Variants in FOXK1 observed in about 807,000 individuals in gnomAD.
The protein encoded by FOXK1 is forkhead box protein K1.
A neutral mutation model predicts 51.9 loss-of-function variants in FOXK1; 19 were observed. That is an observed-to-expected ratio of 0.37 (90% CI 0.26 to 0.54). The LOEUF is 0.54. Ranked by LOEUF, FOXK1 falls within the 20% of genes least tolerant of loss-of-function variation. The pLI, the probability that FOXK1 is intolerant of heterozygous loss-of-function variation, is 0.87. For missense variants in FOXK1, 870 were observed against 1,032.7 expected, an observed-to-expected ratio of 0.84 and a Z score of 2.16; for synonymous variants, 537 against 482.6, an observed-to-expected ratio of 1.11 and a Z score of -1.48.
chr7:4,754,331 C>A, intron 2 of FOXK1, 128 bp from the exon 3 acceptor site: 1 of 1,051,794 alleles, frequency 9.5e-7, no homozygotes, highest in Non-Finnish European at 1.4e-6. Flanking sequence ...AGTGTGGTGG[C>A]ACTTAAAATT....
chr7:4,737,491 T>G (rs1012141700), intron 1 of FOXK1, among the ~76,000 whole-genome samples: 6 of 151,654 alleles, frequency 4.0e-5, no homozygotes, highest in African/African-American at 1.5e-4. Flanking sequence ...TGTGGGCGTG[T>G]GCGTGGGTGT....
rs1780531957 is a variant in FOXK1 at position 4,734,849 on chromosome 7, C to T, written c.561-5989C>T. The stretch of plus-strand genomic sequence containing the variant: ...ACCCCATCCAGAAAGTAAACCCGTC[C>T]TTCCGCTGGGAGAGACGGGGCGAGG... On this transcript the variant is annotated intron_variant, in intron 1 of 8. Transcript: ENST00000328914. The surrounding 1 kb of genome is among the most constrained non-coding windows in gnomAD (Gnocchi z 5.2). Among the ~76,000 whole-genome samples, 1 of 152,186 alleles carries T rather than the reference C, an allele frequency of 6.6e-6. No homozygotes were observed.
At chr7:4,690,931 G>A (rs1274735130) in intron 1 of FOXK1, among the ~76,000 whole-genome samples, 2 of 152,178 alleles carry the variant, frequency 1.3e-5, no homozygotes, top group East Asian at 1.9e-4. Flanking sequence ...ATATTAAAAT[G>A]AGAGGATTAT....
chr7:4,705,130 C>CT (rs1780067456), intron 1 of FOXK1, among the ~76,000 whole-genome samples: 1 of 152,098 alleles, frequency 6.6e-6, no homozygotes, highest in Non-Finnish European at 1.5e-5. Flanking sequence ...TGCACCTGGC[C>CT]TAAAAGTTTA....
At chr7:4,699,904 A>G (rs1289526118) in intron 1 of FOXK1, among the ~76,000 whole-genome samples, 1 of 152,078 alleles carries the variant, frequency 6.6e-6, no homozygotes, top group Non-Finnish European at 1.5e-5. Flanking sequence ...TCTTTGTTCC[A>G]GTATCTTAGA....
chr7:4,688,237 A>C (rs540960616), intron 1 of FOXK1, among the ~76,000 whole-genome samples: 17 of 146,654 alleles, frequency 1.2e-4, no homozygotes, highest in African/African-American at 4.1e-4. Context: ...TAAATATTTC[A>C]ACCAAAATTT....
intron 1 of FOXK1, among the ~76,000 whole-genome samples, chr7:4,696,587 G>T (rs1021838509): frequency 6.6e-6 from 1 of 152,216 alleles, no homozygotes; most frequent in African/African-American, 2.4e-5. Context: ...CCCAGAAGCT[G>T]CGAGTCCCTC....
At chr7:4,726,059 G>T (rs1005407766) in intron 1 of FOXK1, among the ~76,000 whole-genome samples, 11 of 152,056 alleles carry the variant, frequency 7.2e-5, no homozygotes, top group Non-Finnish European at 1.3e-4. Flanking sequence ...TCTCTGTTGG[G>T]GTGTGATTGG....
At chr7:4,718,565 T>G (rs1215255801) in intron 1 of FOXK1, among the ~76,000 whole-genome samples, 1 of 152,200 alleles carries the variant, frequency 6.6e-6, no homozygotes, top group Non-Finnish European at 1.5e-5. Context: ...TGAGCAACCA[T>G]GCTTAGGTTT....
At chr7:4,752,299 C>T (rs930843363) in intron 2 of FOXK1, among the ~76,000 whole-genome samples, 1 of 152,140 alleles carries the variant, frequency 6.6e-6, no homozygotes, top group African/African-American at 2.4e-5. Flanking sequence ...TGCACACCAC[C>T]ACACCTGTCT....
intron 1 of FOXK1, among the ~76,000 whole-genome samples, chr7:4,739,146 ACAGT>A (rs954466413): frequency 6.6e-6 from 1 of 152,188 alleles, no homozygotes; most frequent in Non-Finnish European, 1.5e-5. Flanking sequence ...ATTTAAAAAC[ACAGT>A]CAGGCATAGA....
At chr7:4,693,296 A>C (rs1779916495) in intron 1 of FOXK1, among the ~76,000 whole-genome samples, 1 of 152,232 alleles carries the variant, frequency 6.6e-6, no homozygotes, top group Non-Finnish European at 1.5e-5. Flanking sequence ...AATCTTTTAT[A>C]GGAACAGGCT....
At chr7:4,697,284 A>G (rs1300358469) in intron 1 of FOXK1, among the ~76,000 whole-genome samples, 2 of 152,140 alleles carry the variant, frequency 1.3e-5, no homozygotes, top group East Asian at 1.9e-4. Flanking sequence ...GGCCACTCCA[A>G]GGGAAGGCAA....
rs1228368228 is a variant in FOXK1 at position 4,768,371 on chromosome 7, A to C, written c.*5907A>C. 7.2e-6 allele frequency: 1 copy of C among 137,974 alleles called. No homozygotes were observed. The highest frequency in any genetic ancestry group is 1.5e-5 in the Non-Finnish European group (1 of 67,080). 8.5% of individuals were successfully genotyped at this position (137,974 alleles called of 1,614,324 possible). A position where few individuals can be genotyped will look rare whatever the true frequency, so the allele number is the denominator to read the frequency against. On this transcript the variant is annotated 3_prime_UTR_variant, in exon 9 of 9. Transcript: ENST00000328914. ...ATGGTCTCGATCTCCTGACCTCGTG[A>C]TCCGCCCGCCTCGGCCTCCCAAAGT...
intron 1 of FOXK1, among the ~76,000 whole-genome samples, chr7:4,690,900 A>G (rs1317013719): frequency 6.6e-6 from 1 of 152,198 alleles, no homozygotes; most frequent in African/African-American, 2.4e-5. Context: ...TTCCATAATT[A>G]CCCTACATTT....
Position 4,767,532 on chromosome 7 carries a change from A to G in FOXK1, c.*5068A>G, listed in dbSNP as rs375170114. 1 of 152,274 alleles carries G rather than the reference A, an allele frequency of 6.6e-6. No homozygotes were observed. Among genetic ancestry groups the G allele is most frequent in the Non-Finnish European group, 1.5e-5 (1 of 68,048 alleles). The allele number at this position is 152,274 out of a possible 1,614,324, so 9.4% of individuals were successfully genotyped here. A position where few individuals can be genotyped will look rare whatever the true frequency, so the allele number is the denominator to read the frequency against. On this transcript the variant is annotated 3_prime_UTR_variant, in exon 9 of 9. Coordinates refer to ENST00000328914, the MANE Select transcript of FOXK1 (RefSeq NM_001037165.2). The surrounding 1 kb of genome is among the most constrained non-coding windows in gnomAD (Gnocchi z 6.6). ...CTTTACATTGCTCACATGTGCTGCT[A>G]TGAAGACAGGATTAGTCTGTAGACG...
At position 4,759,585 on chromosome 7, in the gene FOXK1, C is replaced by T. The variant is rs368805899; in HGVS notation, c.1686C>T (p.Ser562=). ...AAGAAVLDLG[S]EARGLEEKPT... ...GCGCAGCCGTGCTGGACCTGGGCAG[C>T]GAGGCCAGAGGTAATGCAGCCGCGG... The change falls in exon 7 of 9, where the codon AGC becomes AGT. Residue 562 remains serine (S), a synonymous_variant. Transcript: ENST00000328914. 14 of 1,536,248 alleles carry T rather than the reference C, an allele frequency of 9.1e-6. No individual in the cohort carries two copies. The highest frequency in any genetic ancestry group is 1.2e-5 in the Non-Finnish European group (14 of 1,146,680).
rs1349792336 is a variant in FOXK1 at position 4,731,541 on chromosome 7, C to G, written c.561-9297C>G. ...TTGGGAGGCCAAAGCGGGTGCATCA[C>G]CTGAGGTCAGGAGTTCAAGACCAGC... On this transcript the variant is annotated intron_variant, in intron 1 of 8. Coordinates refer to ENST00000328914, the MANE Select transcript of FOXK1 (RefSeq NM_001037165.2). The surrounding 1 kb of genome is among the most constrained non-coding windows in gnomAD (Gnocchi z 5.3). Among the ~76,000 whole-genome samples, 3 of 152,148 alleles carry G rather than the reference C, an allele frequency of 2.0e-5. No individual in the cohort carries two copies. Among genetic ancestry groups the G allele is most frequent in the Non-Finnish European group, 4.4e-5 (3 of 68,030 alleles).
chr7:4,721,791 G>A (rs1354750762), intron 1 of FOXK1, among the ~76,000 whole-genome samples: 7 of 151,312 alleles, frequency 4.6e-5, no homozygotes, highest in South Asian at 2.1e-4. Context: ...GAGTTTCACC[G>A]TATTGACCAG....
Sources: allele counts gnomAD v4.1 joint callset (sites outside exome capture counted in the v4.1 genomes callset), GRCh38; gene constraint gnomAD v4.1.1; non-coding constraint Gnocchi (gnomAD v3.1); transcripts MANE v1.5; gene names NCBI Gene and HGNC (gene_info 2026-07-23, HGNC 2026-07-21).